Variants in MAP2K5 observed in about 807,000 individuals in gnomAD.
MAP2K5 encodes the protein dual specificity mitogen-activated protein kinase kinase 5.
A neutral mutation model predicts 83.1 loss-of-function variants in MAP2K5; 49 were observed. That is an observed-to-expected ratio of 0.59 (90% CI 0.47 to 0.75). The LOEUF (loss-of-function observed/expected upper bound fraction) is 0.75. Among genes scored for constraint, MAP2K5 ranks in the 30% least tolerant of loss-of-function variants. The pLI, the probability that MAP2K5 is intolerant of heterozygous loss-of-function variation, is 0.00. For missense variants in MAP2K5, 457 were observed against 557.5 expected (o/e 0.82, Z 1.82); for synonymous variants, 202 against 191.8 (o/e 1.05, Z -0.44).
At chr15:67,628,471 C>T in intron 8 of MAP2K5, 1 of 600,970 alleles carries the variant, frequency 1.7e-6, no homozygotes, top group Admixed American at 3.0e-5. Context: ...CAGAGCGAGA[C>T]TCCATCTAAA....
rs973628323 is a variant in MAP2K5 at position 67,677,856 on chromosome 15, C to G, written c.847+13211C>G. The stretch of plus-strand genomic sequence containing the variant: ...CTTGTAAGTGTCCCAGGTACCCTGC[C>G]TTTATTGAAGAAGGAAAGGGCACGT... On this transcript the variant is annotated intron_variant, in intron 13 of 21. Coordinates refer to ENST00000178640, the MANE Select transcript of MAP2K5 (RefSeq NM_145160.3). This position sits in a 1 kb window ranked among gnomAD's most constrained non-coding sequence, Gnocchi z 4.2. Among the ~76,000 whole-genome samples, 3 of 152,176 alleles carry G rather than the reference C, an allele frequency of 2.0e-5. No individual in the cohort carries two copies. Among genetic ancestry groups the G allele is most frequent in the Admixed American group, 1.3e-4 (2 of 15,280 alleles).
intron 9 of MAP2K5, among the ~76,000 whole-genome samples, chr15:67,631,363 C>T (rs192534024): frequency 2.0e-5 from 3 of 152,204 alleles, no homozygotes; most frequent in Non-Finnish European, 4.4e-5. Context: ...GGTCTTGGAT[C>T]GGGCTCACAT....
chr15:67,543,326 T>C lies in MAP2K5; in HGVS notation c.-10T>C, dbSNP rs1383624971. ...CCCATACCCCAGGATGTGAGCCTCTTTAACCTGTAATGCTGTGGCTAGCCC... is the reference window on the plus strand; with the variant it reads ...CCCATACCCCAGGATGTGAGCCTCTCTAACCTGTAATGCTGTGGCTAGCCC... On this transcript the variant is annotated 5_prime_UTR_variant, in exon 1 of 22. Transcript: ENST00000178640. The surrounding 1 kb of genome is among the most constrained non-coding windows in gnomAD (Gnocchi z 4.3). 6.2e-7 allele frequency: 1 copy of C among 1,614,146 alleles called. No homozygotes were observed. The highest frequency in any genetic ancestry group is 1.7e-5 in the Admixed American group (1 of 60,024).
rs989024416 is a variant in MAP2K5 at position 67,577,704 on chromosome 15, T to A, written c.253-3050T>A. Among the ~76,000 whole-genome samples, 11 of 152,190 alleles carry A rather than the reference T, an allele frequency of 7.2e-5. No homozygotes were observed. Among genetic ancestry groups the A allele is most frequent in the African/African-American group, 2.7e-4 (11 of 41,458 alleles). ...GAAATGACACTAATAGATCCAGATC[T>A]AAAAACAATTTGCTGGCCGTGTGCA... On this transcript the variant is annotated intron_variant, in intron 3 of 21. Transcript: ENST00000178640. The surrounding 1 kb of genome is among the most constrained non-coding windows in gnomAD (Gnocchi z 4.1).
At chr15:67,664,991 A>G (rs1247443410) in intron 13 of MAP2K5, among the ~76,000 whole-genome samples, 1 of 152,208 alleles carries the variant, frequency 6.6e-6, no homozygotes, top group Non-Finnish European at 1.5e-5. Context: ...TTAACATTTC[A>G]GATAGCATCA....
chr15:67,759,483 C>T (rs966696484), intron 19 of MAP2K5, among the ~76,000 whole-genome samples: 27 of 151,242 alleles, frequency 1.8e-4, no homozygotes, highest in Non-Finnish European at 2.2e-4. Flanking sequence ...TCTCTTGAAC[C>T]TGGGAGGTGG....
chr15:67,738,435 G>A lies in MAP2K5; in HGVS notation c.1075-9796G>A, dbSNP rs180788436. ...CAGCTGGAAACACTCAGTGATTCAG[G>A]GTAGAGGGCATAGGAGGCAGCAAAT... On this transcript the variant is annotated intron_variant, in intron 17 of 21. Coordinates refer to ENST00000178640, the MANE Select transcript of MAP2K5 (RefSeq NM_145160.3). The surrounding 1 kb of genome is among the most constrained non-coding windows in gnomAD (Gnocchi z 4.1). Among the ~76,000 whole-genome samples, 167 of 152,304 alleles carry A rather than the reference G, an allele frequency of 1.1e-3. No homozygotes were observed. The highest frequency in any genetic ancestry group is 1.8e-3 in the Non-Finnish European group (124 of 68,038).
intron 16 of MAP2K5, among the ~76,000 whole-genome samples, chr15:67,706,835 G>A (rs1250326135): frequency 6.6e-6 from 1 of 152,146 alleles, no homozygotes; most frequent in Non-Finnish European, 1.5e-5. Context: ...TATGTGATAG[G>A]GAAGAGAAGT....
intron 7 of MAP2K5, among the ~76,000 whole-genome samples, chr15:67,594,395 A>G (rs1408496280): frequency 6.6e-6 from 1 of 152,172 alleles, no homozygotes; most frequent in Non-Finnish European, 1.5e-5. Flanking sequence ...ACTAATTGTA[A>G]TTTATGTATG....
intron 20 of MAP2K5, among the ~76,000 whole-genome samples, chr15:67,772,493 T>C (rs982618413): frequency 1.1e-4 from 17 of 152,346 alleles, no homozygotes; most frequent in African/African-American, 4.1e-4. Context: ...AAGAAAAAGC[T>C]TTTTGTTTCT....
At position 67,561,387 on chromosome 15, in the gene MAP2K5, C is replaced by G. The variant is rs1312067597; in HGVS notation, c.185-1896C>G. Among the ~76,000 whole-genome samples the G allele has an allele frequency of 6.6e-6, 1 of 152,184 alleles. No individual in the cohort carries two copies. Among genetic ancestry groups the G allele is most frequent in the Admixed American group, 6.5e-5 (1 of 15,268 alleles). On this transcript the variant is annotated intron_variant, in intron 2 of 21. Coordinates refer to ENST00000178640, the MANE Select transcript of MAP2K5 (RefSeq NM_145160.3). The surrounding 1 kb of genome is among the most constrained non-coding windows in gnomAD (Gnocchi z 4.2). ...TACAGCTGGAATGGCATTTCTCCCCCAATTTGGCTCTAGAGATTCTATATC... is the reference window on the plus strand; with the variant it reads ...TACAGCTGGAATGGCATTTCTCCCCGAATTTGGCTCTAGAGATTCTATATC...
chr15:67,636,148 C>T lies in MAP2K5; in HGVS notation c.585+5221C>T, dbSNP rs1024492606. Reference sequence around the variant, plus strand: ...TATGAAATGACCGGGCGCCGTGGCTCATGCCTGTAATCCCAGCACTTTGAA... The same window carrying T: ...TATGAAATGACCGGGCGCCGTGGCTTATGCCTGTAATCCCAGCACTTTGAA... On this transcript the variant is annotated intron_variant, in intron 9 of 21. Transcript: ENST00000178640. This position sits in a 1 kb window ranked among gnomAD's most constrained non-coding sequence, Gnocchi z 4.7. 1.3e-5 allele frequency among the ~76,000 whole-genome samples: 2 copies of T among 152,186 alleles called. No homozygotes were observed. The highest frequency in any genetic ancestry group is 2.9e-5 in the Non-Finnish European group (2 of 68,030).
chr15:67,733,969 C>A (rs1251805934), intron 17 of MAP2K5, among the ~76,000 whole-genome samples: 3 of 152,296 alleles, frequency 2.0e-5, no homozygotes, highest in Middle Eastern at 3.4e-3. Flanking sequence ...TGCTTCAGAA[C>A]CTCCTGCTAT....
At chr15:67,623,889 C>G (rs1283137608) in intron 8 of MAP2K5, among the ~76,000 whole-genome samples, 2 of 151,310 alleles carry the variant, frequency 1.3e-5, no homozygotes, top group African/African-American at 4.8e-5. Context: ...GAGCCACCGC[C>G]CCCGGCTACT....
chr15:67,744,791 A>G (rs2089568211), intron 17 of MAP2K5, among the ~76,000 whole-genome samples: 1 of 152,184 alleles, frequency 6.6e-6, no homozygotes, highest in Admixed American at 6.5e-5. Context: ...TTCTAGCATC[A>G]TTTTTCACAG....
intron 7 of MAP2K5, among the ~76,000 whole-genome samples, 164 bp from the exon 8 acceptor site, chr15:67,600,521 G>A (rs2085632147): frequency 6.6e-6 from 1 of 152,116 alleles, no homozygotes; most frequent in Non-Finnish European, 1.5e-5. Context: ...CCTTGGTATC[G>A]TCTTTTATAA....
intron 8 of MAP2K5, among the ~76,000 whole-genome samples, chr15:67,605,023 G>A (rs1333286592): frequency 6.6e-6 from 1 of 151,600 alleles, no homozygotes; most frequent in Non-Finnish European, 1.5e-5. Flanking sequence ...TTTACATTTT[G>A]TACTTCCTAC....
rs1215605023 is a variant in MAP2K5 at position 67,755,054 on chromosome 15, A to G, written c.1134+6453A>G. Among the ~76,000 whole-genome samples the G allele has an allele frequency of 6.6e-6, 1 of 152,094 alleles. No individual in the cohort carries two copies. Among genetic ancestry groups the G allele is most frequent in the Non-Finnish European group, 1.5e-5 (1 of 67,986 alleles). ...CAGTGGCACAATCTTGGCTCACTGC[A>G]ACCTCCGCCTCCTGGGTTCATGCAA... On this transcript the variant is annotated intron_variant, in intron 19 of 21. Coordinates refer to ENST00000178640, the MANE Select transcript of MAP2K5 (RefSeq NM_145160.3). The surrounding 1 kb of genome is among the most constrained non-coding windows in gnomAD (Gnocchi z 4.7).
At chr15:67,709,513 A>C (rs2141223701) in intron 16 of MAP2K5, among the ~76,000 whole-genome samples, 1 of 151,716 alleles carries the variant, frequency 6.6e-6, no homozygotes, top group South Asian at 2.1e-4. Flanking sequence ...CTAAACTTTA[A>C]AATGAAAATG....
Sources: allele counts gnomAD v4.1 joint callset (sites outside exome capture counted in the v4.1 genomes callset), GRCh38; gene constraint gnomAD v4.1.1; non-coding constraint Gnocchi (gnomAD v3.1); transcripts MANE v1.5; gene names NCBI Gene and HGNC (gene_info 2026-07-23, HGNC 2026-07-21).